The following ATP6V0A4 variants were observed in gnomAD, a reference collection of about 807,000 sequenced individuals.
The protein encoded by ATP6V0A4 is ATPase H+ transporting V0 subunit a4, also known as V-type proton ATPase 116 kDa subunit a 4.
Under a neutral mutation model 107.3 loss-of-function variants are expected in ATP6V0A4, and 86 were observed. That is an observed-to-expected ratio of 0.80 (90% CI 0.67 to 0.96). The LOEUF (loss-of-function observed/expected upper bound fraction) is 0.96. ATP6V0A4 is among the 40% of genes least tolerant of loss of function. ATP6V0A4 has a pLI of 0.00. For missense variants in ATP6V0A4, 908 were observed against 1,045.6 expected (o/e 0.87, Z 1.81); for synonymous variants, 353 against 381.4 (o/e 0.93, Z 0.87).
chr7:138,771,587 A>T lies in ATP6V0A4; in HGVS notation c.-17-323T>A, dbSNP rs116209229. Among the ~76,000 whole-genome samples the T allele has an allele frequency of 6.3e-3, 954 of 152,036 alleles. 9 individuals carry two copies. The highest frequency in any genetic ancestry group is 0.022 in the African/African-American group (910 of 41,440). On this transcript the variant is annotated intron_variant, in intron 2 of 21. Coordinates refer to ENST00000310018, the MANE Select transcript of ATP6V0A4 (RefSeq NM_020632.3). ...CAGCTATCCTGATTCTAAAAACAAGATAGCACTTTATGCCCTCCATCAGAT... is the reference window on the plus strand; with the variant it reads ...CAGCTATCCTGATTCTAAAAACAAGTTAGCACTTTATGCCCTCCATCAGAT...
intron 11 of ATP6V0A4, among the ~76,000 whole-genome samples, chr7:138,750,680 A>G (rs1806177446): frequency 6.6e-6 from 1 of 151,998 alleles, no homozygotes; most frequent in Non-Finnish European, 1.5e-5. Flanking sequence ...ACCTCCCTTC[A>G]CCTGCTCCCC....
intron 11 of ATP6V0A4, among the ~76,000 whole-genome samples, chr7:138,750,511 A>C (rs943542592): frequency 6.6e-6 from 1 of 151,582 alleles, no homozygotes; most frequent in Non-Finnish European, 1.5e-5. Context: ...CATTCTACCT[A>C]CTCGAGTCTT....
chr7:138,726,680 C>A (rs3800569), intron 18 of ATP6V0A4, among the ~76,000 whole-genome samples: 1 of 152,054 alleles, frequency 6.6e-6, no homozygotes, highest in Non-Finnish European at 1.5e-5. Flanking sequence ...ATCTCTTGAA[C>A]GGAGGTGGTA....
rs1224573212 is a variant in ATP6V0A4, at chr7:138,773,658, G to A, written c.-17-2394C>T. ...GGATAAACATCATCCCTCAGGAAGT[G>A]CACATGGTCTGGGCCCACATTTGTG... On this transcript the variant is annotated intron_variant, in intron 2 of 21. Transcript: ENST00000310018. This position sits in a 1 kb window ranked among gnomAD's most constrained non-coding sequence, Gnocchi z 5.4. Among the ~76,000 whole-genome samples the A allele has an allele frequency of 6.6e-6, 1 of 152,198 alleles. No individual in the cohort carries two copies. The highest frequency in any genetic ancestry group is 1.5e-5 in the Non-Finnish European group (1 of 68,024).
chr7:138,728,796 G>A lies in ATP6V0A4; in HGVS notation c.1975C>T (p.Pro659Ser), dbSNP rs998295281. ...CGATGACTGGCTCTAAGAATAAACG[G>A]CTTAATCAGAAGCATCCACGGCACA... ...ISVPWMLLIK[P>S]FILRASHRKS... Residue 659 changes from proline (P) to serine (S), a missense_variant, in exon 18 of 22, where the codon CCG becomes TCG. Coordinates refer to ENST00000310018, the MANE Select transcript of ATP6V0A4 (RefSeq NM_020632.3). 3 of 1,614,024 alleles carry A rather than the reference G, an allele frequency of 1.9e-6. No individual in the cohort carries two copies. In the African/African-American group the frequency reaches 4.0e-5, roughly 22 times the overall value.
chr7:138,715,673 G>A (rs755980191), intron 20 of ATP6V0A4, 91 bp downstream of exon 20: 19 of 1,509,788 alleles, frequency 1.3e-5, no homozygotes, highest in East Asian at 4.7e-5. Flanking sequence ...CAAATAGCTC[G>A]GAGAAGTCAC....
At chr7:138,737,982 G>A (rs1302906213) in intron 15 of ATP6V0A4, among the ~76,000 whole-genome samples, 4 of 150,966 alleles carry the variant, frequency 2.6e-5, no homozygotes, top group Non-Finnish European at 5.9e-5. Flanking sequence ...GGCTGGTCTC[G>A]AACTCCTGAC....
At chr7:138,784,233 T>TAC (rs1554402570) in intron 2 of ATP6V0A4, among the ~76,000 whole-genome samples, 6 of 43,194 alleles carry the variant, frequency 1.4e-4, no homozygotes, top group East Asian at 1.2e-3. Context: ...TATATATATA[T>TAC]ACGTATATAT....
chr7:138,762,683 C>G (rs1298931517), intron 6 of ATP6V0A4, among the ~76,000 whole-genome samples: 2 of 152,160 alleles, frequency 1.3e-5, no homozygotes, highest in Admixed American at 6.6e-5. Context: ...GAGCCATTTT[C>G]AGCACATACA....
At chr7:138,757,014 T>C (rs1806546033) in intron 8 of ATP6V0A4, among the ~76,000 whole-genome samples, 1 of 152,202 alleles carries the variant, frequency 6.6e-6, no homozygotes, top group South Asian at 2.1e-4. Context: ...ATACAGTTGC[T>C]CAGATTTTTT....
intron 1 of ATP6V0A4, among the ~76,000 whole-genome samples, chr7:138,791,199 G>A (rs12333723): frequency 0.055 from 8,419 of 151,980 alleles, 748 homozygotes; most frequent in African/African-American, 0.19. Context: ...TAAGATAATC[G>A]AAATTAAGAA....
intron 1 of ATP6V0A4, among the ~76,000 whole-genome samples, chr7:138,795,039 A>C (rs1808592366): frequency 6.6e-6 from 1 of 152,010 alleles, no homozygotes; most frequent in African/African-American, 2.4e-5. Context: ...CCGGGATTAC[A>C]GGCATGCACC....
chr7:138,763,640 A>G (rs1381905129), intron 5 of ATP6V0A4, among the ~76,000 whole-genome samples: 1 of 151,974 alleles, frequency 6.6e-6, no homozygotes, highest in Non-Finnish European at 1.5e-5. Context: ...AAAAATAAAT[A>G]AATAACAATA....
At chr7:138,752,963 C>G (rs1022927557) in intron 10 of ATP6V0A4, 126 bp from the exon 11 acceptor site, 7 of 1,525,004 alleles carry the variant, frequency 4.6e-6, no homozygotes, top group Non-Finnish European at 6.1e-6. Flanking sequence ...TGACCTGTGG[C>G]TGTCACCTGG....
chr7:138,730,931 C>CTTTTTTTTTTTTTTTTTTTTTTTTTTTTT (rs66521953), intron 17 of ATP6V0A4, among the ~76,000 whole-genome samples: 2 of 123,756 alleles, frequency 1.6e-5, no homozygotes, highest in African/African-American at 3.1e-5. Context: ...TCTTCTTCTT[C>CTTTTTTTTTTTTTTTTTTTTTTTTTTTTT]TTTTTTTATT....
rs10669320 is a variant in ATP6V0A4, at chr7:138,707,068, ATG to A, written c.2430-353_2430-352del. Among the ~76,000 whole-genome samples, 133 of 90,078 alleles carry A rather than the reference ATG, an allele frequency of 1.5e-3. 2 individuals are homozygous for A. Among genetic ancestry groups the A allele is most frequent in the South Asian group, 3.6e-3 (11 of 3,014 alleles). 59.1% of individuals were successfully genotyped at this position (90,078 alleles called of 152,430 possible). On this transcript the variant is annotated intron_variant, in intron 21 of 21. Coordinates refer to ENST00000310018, the MANE Select transcript of ATP6V0A4 (RefSeq NM_020632.3). ...ATACCACCATGCCTAGCTAATTTAT[ATG>A]TGTGTGTGTGTGTGTGTGTGTGTAT...
intron 19 of ATP6V0A4, among the ~76,000 whole-genome samples, chr7:138,716,575 T>G (rs13233080): frequency 0.43 from 39,489 of 90,918 alleles, 5,726 homozygotes; most frequent in Admixed American, 0.56. Flanking sequence ...AATTTTTTTT[T>G]GGGGGGGGGG....
Position 138,706,662 on chromosome 7 carries a change from A to G in ATP6V0A4, c.2485T>C (p.Ser829Pro), listed in dbSNP as rs752038920. The G allele has an allele frequency of 6.2e-7, 1 of 1,613,938 alleles. No individual in the cohort carries two copies. Among genetic ancestry groups the G allele is most frequent in the South Asian group, 1.1e-5 (1 of 91,070 alleles). The change falls in exon 22 of 22, where the codon TCC (serine) becomes CCC (proline). Residue 829 changes from serine to proline, a missense_variant. Physicochemically the swap from Ser to Pro is moderately conservative, Grantham distance 74. Transcript: ENST00000310018. ...VGDGYKFSPF[S>P]FKHILDGTAE... Reference sequence around the variant, plus strand: ...GTGCCATCCAGGATGTGTTTAAAGGAGAATGGAGAAAACTTGTAACCATCC... The same window carrying G: ...GTGCCATCCAGGATGTGTTTAAAGGGGAATGGAGAAAACTTGTAACCATCC...
intron 19 of ATP6V0A4, 102 bp from the exon 20 acceptor site, chr7:138,715,983 A>G (rs552090476): frequency 1.3e-6 from 2 of 1,492,314 alleles, no homozygotes; most frequent in African/African-American, 2.8e-5. Context: ...TGCTGTTCAG[A>G]CACTTTCAGT....
Sources: allele counts gnomAD v4.1 joint callset (sites outside exome capture counted in the v4.1 genomes callset), GRCh38; gene constraint gnomAD v4.1.1; non-coding constraint Gnocchi (gnomAD v3.1); transcripts MANE v1.5; gene names NCBI Gene and HGNC (gene_info 2026-07-23, HGNC 2026-07-21).